ATP6V1B1: variants seen among roughly 807,000 people sequenced by gnomAD.
The protein encoded by ATP6V1B1 is V-type proton ATPase subunit B, kidney isoform.
ATP6V1B1 carries 41 observed loss-of-function variants against 62.1 expected under a neutral mutation model. That is an observed-to-expected ratio of 0.66 (90% confidence interval 0.51 to 0.86). ATP6V1B1 has a LOEUF of 0.86. Among genes scored for constraint, ATP6V1B1 ranks in the 40% least tolerant of loss-of-function variants. The probability of loss-of-function intolerance (pLI) is 0.00; values close to 1 mark genes in which losing one functional copy is unlikely to be tolerated. For synonymous variants in ATP6V1B1, 253 were observed against 273.4 expected, an observed-to-expected ratio of 0.93 and a Z score of 0.74; for missense variants, 651 against 697.5, an observed-to-expected ratio of 0.93 and a Z score of 0.75.
intron 1 of ATP6V1B1, chr2:70,942,148 C>T: frequency 1.5e-6 from 1 of 677,572 alleles, no homozygotes; most frequent in Non-Finnish European, 2.1e-6. Flanking sequence ...GGGCCTGTTT[C>T]CCGGTGCAGG....
chr2:70,957,029 G>GT (rs1680453820), intron 2 of ATP6V1B1, among the ~76,000 whole-genome samples: 1 of 148,134 alleles, frequency 6.8e-6, no homozygotes, highest in African/African-American at 2.5e-5. Flanking sequence ...TTGTAGAAAT[G>GT]TTTTTTCAAA....
intron 1 of ATP6V1B1, chr2:70,938,815 G>C: frequency 1.0e-6 from 1 of 984,264 alleles, no homozygotes; most frequent in Non-Finnish European, 1.2e-6. Context: ...CCCAGCAGGA[G>C]CAAAGGTCAG....
At chr2:70,944,632 C>T (rs868991423) in intron 2 of ATP6V1B1, among the ~76,000 whole-genome samples, 15 of 151,972 alleles carry the variant, frequency 9.9e-5, no homozygotes, top group Non-Finnish European at 1.8e-4. Context: ...CAAATTTGCC[C>T]AGGGCTCTCC....
At chr2:70,954,671 A>C (rs1553418742) in intron 2 of ATP6V1B1, among the ~76,000 whole-genome samples, 1 of 151,930 alleles carries the variant, frequency 6.6e-6, no homozygotes, top group Non-Finnish European at 1.5e-5. Flanking sequence ...TTTCATAGAG[A>C]TGGGTCTCGC....
intron 2 of ATP6V1B1, among the ~76,000 whole-genome samples, chr2:70,945,358 C>T (rs1198844568): frequency 2.6e-5 from 4 of 152,134 alleles, no homozygotes; most frequent in East Asian, 3.9e-4. Context: ...ACTAAATTTG[C>T]GTAAACGTTA....
At chr2:70,960,860 T>C in intron 6 of ATP6V1B1, 61 bp from the exon 7 acceptor site, 4 of 1,428,484 alleles carry the variant, frequency 2.8e-6, no homozygotes, top group Non-Finnish European at 2.9e-6. Context: ...CCAGTGGTGC[T>C]CAGTGGGACA....
chr2:70,955,331 C>T (rs782254112), intron 2 of ATP6V1B1, among the ~76,000 whole-genome samples: 1 of 152,182 alleles, frequency 6.6e-6, no homozygotes, highest in South Asian at 2.1e-4. Context: ...ATCTGGGACC[C>T]TGATGTGTTA....
intron 1 of ATP6V1B1, chr2:70,943,236 G>A: frequency 2.7e-6 from 1 of 373,768 alleles, no homozygotes; most frequent in East Asian, 6.6e-5. Flanking sequence ...TGAATGGAGG[G>A]AAATGCAGTC....
At chr2:70,962,966 G>C in intron 9 of ATP6V1B1, 66 bp downstream of exon 9, 1 of 1,609,996 alleles carries the variant, frequency 6.2e-7, no homozygotes, top group Non-Finnish European at 8.5e-7. Flanking sequence ...ACCCCAGACG[G>C]TCACCCTGCA....
intron 4 of ATP6V1B1, among the ~76,000 whole-genome samples, chr2:70,958,805 C>G (rs1373173980): frequency 6.6e-6 from 1 of 152,148 alleles, no homozygotes; most frequent in Non-Finnish European, 1.5e-5. Flanking sequence ...GGGCCAAGGC[C>G]TTGCCTGTAA....
chr2:70,944,457 G>T (rs1462778089), intron 2 of ATP6V1B1, among the ~76,000 whole-genome samples: 2 of 151,572 alleles, frequency 1.3e-5, no homozygotes, highest in African/African-American at 4.8e-5. Flanking sequence ...AAGTCTCGGT[G>T]CCCCTTTGAC....
At chr2:70,957,814 A>G in intron 2 of ATP6V1B1, 2 of 558,704 alleles carry the variant, frequency 3.6e-6, no homozygotes, top group South Asian at 2.0e-5. Flanking sequence ...TCAGGCAGCT[A>G]CTAAGCTTCA....
chr2:70,940,180 C>A, intron 1 of ATP6V1B1: 1 of 180,802 alleles, frequency 5.5e-6, no homozygotes, highest in Non-Finnish European at 1.1e-5. Context: ...GGTGGAGTTG[C>A]TGGATGTCAG....
intron 1 of ATP6V1B1, chr2:70,943,375 G>A (rs979250221): frequency 5.1e-6 from 3 of 592,556 alleles, no homozygotes; most frequent in African/African-American, 1.8e-5. Context: ...CAGCCTCAGG[G>A]ATGAGAGGCC....
At chr2:70,956,873 C>T (rs1680449176) in intron 2 of ATP6V1B1, among the ~76,000 whole-genome samples, 2 of 152,158 alleles carry the variant, frequency 1.3e-5, no homozygotes, top group South Asian at 4.1e-4. Context: ...GCATGAACCA[C>T]CTTGCCTGGC....
At chr2:70,943,932 C>T (rs1680079377) in intron 2 of ATP6V1B1, 3 of 907,962 alleles carry the variant, frequency 3.3e-6, no homozygotes, top group Non-Finnish European at 3.9e-6. Context: ...ACCATAAAAA[C>T]CCCATGGAGG....
chr2:70,962,754 TA>T, intron 8 of ATP6V1B1, 22 bp from the exon 9 acceptor site: 1 of 1,612,816 alleles, frequency 6.2e-7, no homozygotes, highest in Non-Finnish European at 8.5e-7. Context: ...CCAGGCTCTC[TA>T]AACACCTGGC....
At chr2:70,937,270 A>G (rs1679877172) in intron 1 of ATP6V1B1, among the ~76,000 whole-genome samples, 1 of 152,028 alleles carries the variant, frequency 6.6e-6, no homozygotes, top group African/African-American at 2.4e-5. Context: ...CCAGGCCAGG[A>G]GAGGAGGTGG....
At chr2:70,942,166 C>A in intron 1 of ATP6V1B1, 1 of 551,476 alleles carries the variant, frequency 1.8e-6, no homozygotes, top group Non-Finnish European at 2.7e-6. Flanking sequence ...AGGGGAAGGA[C>A]CCACTATGAA....
Sources: gnomAD v4.1 joint callset for allele counts (sites outside exome capture counted in the v4.1 genomes callset) on GRCh38, gnomAD v4.1.1 for gene constraint, MANE v1.5 for transcripts, NCBI Gene and HGNC (gene_info 2026-07-23, HGNC 2026-07-21) for gene names.